The following CACNA1H variants were observed in gnomAD, a reference collection of about 807,000 sequenced individuals.
CACNA1H encodes the protein voltage-dependent T-type calcium channel subunit alpha-1H.
Under a neutral mutation model 192.5 loss-of-function variants are expected in CACNA1H, and 149 were observed. That is an observed-to-expected ratio of 0.77 (90% CI 0.68 to 0.89). The LOEUF is 0.89. CACNA1H is among the 40% of genes least tolerant of loss of function. CACNA1H has a pLI of 0.00. For synonymous variants in CACNA1H, 2,202 were observed against 1,475.2 expected (o/e 1.49, Z -11.29); for missense variants, 4,257 against 3,423.5 (o/e 1.24, Z -6.08).
rs1970183358 is a variant in CACNA1H at position 1,218,105 on chromosome 16, AC to A, written c.5445+66del. ...AGCGGTTTTTCAGGCTCTCCCAGGA[AC>A]GGGTCGGATCCGTCCTTGCAGGGCA... On this transcript the variant is annotated intron_variant, in intron 32 of 34. Coordinates refer to ENST00000348261, the MANE Select transcript of CACNA1H (RefSeq NM_021098.3). 35 of 1,558,912 alleles carry A rather than the reference AC, an allele frequency of 2.2e-5. No homozygotes were observed. In the Middle Eastern group the frequency reaches 6.7e-4, roughly 30 times the overall value.
intron 6 of CACNA1H, 74 bp from the exon 7 acceptor site, chr16:1,200,182 C>A: frequency 2.4e-6 from 3 of 1,256,588 alleles, no homozygotes; most frequent in South Asian, 2.8e-5. Flanking sequence ...CGTCCCTGAT[C>A]ACAATCGTGC....
chr16:1,216,870 C>A, intron 30 of CACNA1H, 62 bp from the exon 31 acceptor site: 1 of 1,358,412 alleles, frequency 7.4e-7, no homozygotes, highest in Non-Finnish European at 1.0e-6. Flanking sequence ...GAGTGCCCTG[C>A]AGGGTGGGCT....
At chr16:1,177,592 G>A (rs1372124677) in intron 2 of CACNA1H, among the ~76,000 whole-genome samples, 1 of 152,094 alleles carries the variant, frequency 6.6e-6, no homozygotes, top group East Asian at 1.9e-4. Context: ...GGCTTGGGAG[G>A]GGGCGTCCTA....
At chr16:1,174,319 G>A (rs947428929) in intron 2 of CACNA1H, among the ~76,000 whole-genome samples, 1 of 152,202 alleles carries the variant, frequency 6.6e-6, no homozygotes, top group South Asian at 2.1e-4. Context: ...CACCCTTGGT[G>A]GGAGCTAGAC....
intron 2 of CACNA1H, among the ~76,000 whole-genome samples, chr16:1,183,498 C>G (rs959489752): frequency 6.6e-6 from 1 of 152,206 alleles, no homozygotes; most frequent in Non-Finnish European, 1.5e-5. Flanking sequence ...TCAGTCAGCG[C>G]ATCCCCGGCA....
At chr16:1,154,753 G>A (rs923169782) in intron 2 of CACNA1H, among the ~76,000 whole-genome samples, 3 of 152,204 alleles carry the variant, frequency 2.0e-5, no homozygotes, top group Non-Finnish European at 4.4e-5. Context: ...TCTACTCTCG[G>A]CCAGAGCGGC....
chr16:1,156,611 C>A (rs1375661042), intron 2 of CACNA1H, among the ~76,000 whole-genome samples: 1 of 152,100 alleles, frequency 6.6e-6, no homozygotes, highest in Non-Finnish European at 1.5e-5. Context: ...CCTCAGCCTC[C>A]CCTCCCTCCG....
chr16:1,195,292 A>C (rs890004487), intron 3 of CACNA1H, 140 bp from the exon 4 acceptor site: 11 of 839,916 alleles, frequency 1.3e-5, no homozygotes, highest in Non-Finnish European at 1.8e-5. Flanking sequence ...GGCAGGGCTC[A>C]GTTCCTGGGG....
intron 2 of CACNA1H, among the ~76,000 whole-genome samples, chr16:1,190,244 C>T (rs567934975): frequency 2.6e-5 from 4 of 152,364 alleles, no homozygotes; most frequent in African/African-American, 7.2e-5. Flanking sequence ...TTCTCCGACC[C>T]GCAGTGGAAA....
intron 22 of CACNA1H, 92 bp from the exon 23 acceptor site, chr16:1,211,389 G>A (rs1278648031): frequency 5.0e-6 from 8 of 1,606,164 alleles, no homozygotes; most frequent in Non-Finnish European, 6.8e-6. Context: ...GGGACGGGGA[G>A]GGACAGCTCG....
Position 1,220,927 on chromosome 16 carries a change from C to G in CACNA1H, c.6995C>G (p.Pro2332Arg), listed in dbSNP as rs759417643. 6.2e-7 allele frequency: 1 copy of G among 1,610,000 alleles called. No individual in the cohort carries two copies. Among genetic ancestry groups the G allele is most frequent in the Non-Finnish European group, 8.5e-7 (1 of 1,178,320 alleles). The part of the protein sequence containing the change: ...RGLYLTVPQC[P>R]LEKPGSPSAT... ...CTGTACCTCACAGTCCCCCAGTGTC[C>G]TCTGGAGAAACCAGGGTCCCCCTCA... Residue 2332 changes from proline to arginine, a missense_variant, in exon 35 of 35, where the codon CCT becomes CGT. Pro to Arg is a moderately radical substitution (Grantham distance 103). Transcript: ENST00000348261.
chr16:1,211,044 CCCGCAGTCCTGGGCTGT>C, intron 21 of CACNA1H, 73 bp downstream of exon 21: 7 of 1,553,362 alleles, frequency 4.5e-6, no homozygotes, highest in Non-Finnish European at 6.1e-6. Context: ...CATTACTCCT[CCCGCAGTCCTGGGCTGT>C]TCGCAGGCCG....
intron 14 of CACNA1H, 46 bp from the exon 15 acceptor site, chr16:1,207,724 C>A: frequency 6.7e-7 from 1 of 1,490,032 alleles, no homozygotes; most frequent in Admixed American, 1.9e-5. Flanking sequence ...GAAGGGTCCC[C>A]ACTCACGGGG....
At position 1,215,720 on chromosome 16, in the gene CACNA1H, C is replaced by T. The variant is rs3897150; in HGVS notation, c.5244+127C>T. The T allele has an allele frequency of 0.84, 644,043 of 766,846 alleles. 271,928 individuals carry two copies. The highest frequency in any genetic ancestry group is 1 in the East Asian group (37,287 of 37,312). 47.5% of individuals were successfully genotyped at this position (766,846 alleles called of 1,614,324 possible). A position where few individuals can be genotyped will look rare whatever the true frequency, so the allele number is the denominator to read the frequency against. On this transcript the variant is annotated intron_variant, in intron 30 of 34. Coordinates refer to ENST00000348261, the MANE Select transcript of CACNA1H (RefSeq NM_021098.3). Reference sequence around the variant, plus strand: ...CTCGGTTGTGTGGTGGCTGAAGCTGCGTCCCTGCTGTGTGCAGTGCATGGC... The same window carrying T: ...CTCGGTTGTGTGGTGGCTGAAGCTGTGTCCCTGCTGTGTGCAGTGCATGGC...
Position 1,159,171 on chromosome 16 carries a change from C to G in CACNA1H, c.299+5135C>G, listed in dbSNP as rs891489165. Among the ~76,000 whole-genome samples the G allele has an allele frequency of 1.3e-5, 2 of 152,188 alleles. 1 individual carries two copies. The highest frequency in any genetic ancestry group is 4.1e-4 in the South Asian group (2 of 4,832). ...TTGGCAGACGTCTTCATGGCCAGTTCCCCGCAGAGTGCCCGGGTGTCCGTA... is the reference window on the plus strand; with the variant it reads ...TTGGCAGACGTCTTCATGGCCAGTTGCCCGCAGAGTGCCCGGGTGTCCGTA... On this transcript the variant is annotated intron_variant, in intron 2 of 34. Transcript: ENST00000348261.
chr16:1,218,399 G>C lies in CACNA1H; in HGVS notation c.5635G>C (p.Glu1879Gln). 3 of 1,558,020 alleles carry C rather than the reference G, an allele frequency of 1.9e-6. No individual in the cohort carries two copies. Among genetic ancestry groups the C allele is most frequent in the Non-Finnish European group, 2.6e-6 (3 of 1,151,800 alleles). ...EAREDAELDA[E>Q]IELEMAQGPG... ...ACGGGAGGATGCGGAGCTGGACGCC[G>C]AGATCGAGCTGGAGATGGCGCAGGG... The change falls in exon 33 of 35, where the codon GAG becomes CAG. Residue 1879 changes from glutamate (E) to glutamine (Q), a missense_variant. Physicochemically the swap from Glu to Gln is conservative, Grantham distance 29 (BLOSUM62 2). Coordinates refer to ENST00000348261, the MANE Select transcript of CACNA1H (RefSeq NM_021098.3).
chr16:1,211,513 C>T lies in CACNA1H; in HGVS notation c.4383C>T (p.Gly1461=), dbSNP rs1421512369. ...LFKGKFYYCE[G]PDTRNISTKA... ...AAGGGAAGTTCTACTACTGCGAGGG[C>T]CCCGACACCAGGAACATCTCCACCA... The change falls in exon 23 of 35, where the codon GGC becomes GGT. Residue 1461 remains glycine (G), a synonymous_variant. Coordinates refer to ENST00000348261, the MANE Select transcript of CACNA1H (RefSeq NM_021098.3). 4 of 1,612,348 alleles carry T rather than the reference C, an allele frequency of 2.5e-6. No individual in the cohort carries two copies. Among genetic ancestry groups the T allele is most frequent in the Admixed American group, 1.7e-5 (1 of 60,002 alleles).
chr16:1,200,950 G>A (rs553530066), intron 8 of CACNA1H, 142 bp downstream of exon 8: 65 of 684,750 alleles, frequency 9.5e-5, no homozygotes, highest in South Asian at 7.3e-4. Flanking sequence ...CAGAGCTTGC[G>A]GGGGTGGGGA....
At chr16:1,200,632 T>C in intron 7 of CACNA1H, 61 bp downstream of exon 7, 1 of 1,589,508 alleles carries the variant, frequency 6.3e-7, no homozygotes, top group Non-Finnish European at 8.6e-7. Flanking sequence ...GGTGCAGGAC[T>C]CGCCCCCCCC....
Sources: gnomAD v4.1 joint callset for allele counts (sites outside exome capture counted in the v4.1 genomes callset) on GRCh38, gnomAD v4.1.1 for gene constraint, MANE v1.5 for transcripts, NCBI Gene and HGNC (gene_info 2026-07-23, HGNC 2026-07-21) for gene names.